The following DLGAP1 variants were observed in gnomAD, a reference collection of about 807,000 sequenced individuals.
The protein encoded by DLGAP1 is DLG associated protein 1.
DLGAP1 carries 11 observed loss-of-function variants against 90.8 expected under a neutral mutation model. That is an observed-to-expected ratio of 0.12 (90% CI 0.08 to 0.20). DLGAP1 has a LOEUF of 0.20. Ranked by LOEUF, DLGAP1 falls within the 10% of genes least tolerant of loss-of-function variation. The pLI, the probability that DLGAP1 is intolerant of heterozygous loss-of-function variation, is 1.00. For synonymous variants in DLGAP1, 558 were observed against 540.7 expected (o/e 1.03, Z -0.44); for missense variants, 1,050 against 1,333.8 (o/e 0.79, Z 3.31).
chr18:4,082,510 CAAA>C (rs59735494), intron 2 of DLGAP1, among the ~76,000 whole-genome samples: 14,450 of 51,710 alleles, frequency 0.28, 974 homozygotes, highest in Middle Eastern at 0.37. Flanking sequence ...GACTTTGTCT[CAAA>C]AAAAAAAAAA....
intron 2 of DLGAP1, among the ~76,000 whole-genome samples, chr18:4,009,613 G>C (rs1190585639): frequency 3.3e-5 from 5 of 152,208 alleles, no homozygotes; most frequent in Non-Finnish European, 1.5e-5. Context: ...TGGCAGGATA[G>C]GGTTCTCTTC....
intron 7 of DLGAP1, among the ~76,000 whole-genome samples, chr18:3,671,609 C>T (rs1184994896): frequency 1.3e-5 from 2 of 152,150 alleles, no homozygotes; most frequent in Admixed American, 6.6e-5. Flanking sequence ...TAAGATGGAG[C>T]CAGTTGTTTT....
At chr18:4,021,531 A>T (rs2074608792) in intron 2 of DLGAP1, among the ~76,000 whole-genome samples, 1 of 152,128 alleles carries the variant, frequency 6.6e-6, no homozygotes, top group Admixed American at 6.5e-5. Context: ...CCAGAACCTC[A>T]AGAGAATTAA....
intron 5 of DLGAP1, among the ~76,000 whole-genome samples, chr18:3,756,016 T>C (rs1184314352): frequency 1.3e-5 from 2 of 152,108 alleles, no homozygotes; most frequent in African/African-American, 2.4e-5. Context: ...AAAGGAAATT[T>C]TGGAACCGCA....
chr18:4,032,894 CCA>C (rs2074821448), intron 2 of DLGAP1, among the ~76,000 whole-genome samples: 1 of 152,122 alleles, frequency 6.6e-6, no homozygotes, highest in Non-Finnish European at 1.5e-5. Context: ...ACCTTTGTAT[CCA>C]CAGTGGCTGG....
intron 3 of DLGAP1, chr18:3,986,268 C>T (rs1046460974): frequency 2.2e-4 from 33 of 152,274 alleles, no homozygotes; most frequent in Admixed American, 2.0e-3. Context: ...GACAAGTATT[C>T]TTACAAATCC....
chr18:4,418,841 A>G (rs2082963706), intron 1 of DLGAP1, among the ~76,000 whole-genome samples: 1 of 120,778 alleles, frequency 8.3e-6, no homozygotes, highest in African/African-American at 3.1e-5. Flanking sequence ...ACAAACACCA[A>G]ACTACAGAGC....
chr18:4,291,325 C>T (rs1295053222), intron 1 of DLGAP1, among the ~76,000 whole-genome samples: 1 of 152,146 alleles, frequency 6.6e-6, no homozygotes, highest in African/African-American at 2.4e-5. Context: ...AGGGGTAACC[C>T]TGCGTCATCA....
At chr18:3,572,432 ATTTATTTGTTTGTTTG>A (rs2054862977) in intron 8 of DLGAP1, among the ~76,000 whole-genome samples, 1 of 111,838 alleles carries the variant, frequency 8.9e-6, no homozygotes, top group Non-Finnish European at 2.0e-5. Context: ...TCTTTTATTT[ATTTATTTGTTTGTTTG>A]TTTGTTTGTT....
chr18:4,350,202 A>G (rs1461147679), intron 1 of DLGAP1, among the ~76,000 whole-genome samples: 3 of 152,122 alleles, frequency 2.0e-5, no homozygotes, highest in Non-Finnish European at 2.9e-5. Context: ...TATAAATGCT[A>G]ATTATTCCAT....
intron 2 of DLGAP1, among the ~76,000 whole-genome samples, chr18:4,131,701 G>C (rs2076320028): frequency 6.6e-6 from 1 of 152,168 alleles, no homozygotes; most frequent in South Asian, 2.1e-4. Context: ...GCAAGAGAAA[G>C]AGCCAGGAAA....
intron 1 of DLGAP1, among the ~76,000 whole-genome samples, chr18:4,219,030 T>A (rs2078021948): frequency 2.2e-5 from 1 of 45,830 alleles, no homozygotes; most frequent in Non-Finnish European, 6.6e-5. Context: ...TATCTTTGTT[T>A]TTTTTTTTTT....
At chr18:4,186,145 T>G (rs1598574265) in intron 1 of DLGAP1, among the ~76,000 whole-genome samples, 1 of 152,174 alleles carries the variant, frequency 6.6e-6, no homozygotes, top group African/African-American at 2.4e-5. Context: ...TCTTGTAAAT[T>G]TGTTTAAGTT....
intron 3 of DLGAP1, among the ~76,000 whole-genome samples, chr18:4,004,078 T>C (rs1033388501): frequency 6.6e-6 from 1 of 152,230 alleles, no homozygotes; most frequent in African/African-American, 2.4e-5. Flanking sequence ...ATAATTGTTA[T>C]AGATGGTTCA....
intron 7 of DLGAP1, chr18:3,656,400 A>G (rs944978757): frequency 5.2e-6 from 2 of 382,270 alleles, no homozygotes; most frequent in African/African-American, 2.1e-5. Context: ...CTGAGTGACT[A>G]TTTCTGTGTA....
At chr18:3,675,233 G>A (rs1356187583) in intron 7 of DLGAP1, among the ~76,000 whole-genome samples, 1 of 152,154 alleles carries the variant, frequency 6.6e-6, no homozygotes, top group African/African-American at 2.4e-5. Flanking sequence ...ACCACGCCTG[G>A]CTAAGTTTTG....
chr18:4,069,988 C>CTT (rs367638752), intron 2 of DLGAP1, among the ~76,000 whole-genome samples: 1 of 145,254 alleles, frequency 6.9e-6, no homozygotes. Context: ...TTCTTTCTTT[C>CTT]TTTTTTTTTT....
At chr18:4,290,464 G>A (rs544700601) in intron 1 of DLGAP1, among the ~76,000 whole-genome samples, 6 of 152,316 alleles carry the variant, frequency 3.9e-5, no homozygotes, top group African/African-American at 1.4e-4. Context: ...GTACACATAT[G>A]TGGCGATGAA....
chr18:3,870,520 C>T (rs1199528624), intron 4 of DLGAP1, among the ~76,000 whole-genome samples: 1 of 152,072 alleles, frequency 6.6e-6, no homozygotes, highest in East Asian at 1.9e-4. Context: ...GCAGTTGCTC[C>T]CATTTAATAT....
Sources: gnomAD v4.1 joint callset for allele counts (sites outside exome capture counted in the v4.1 genomes callset) on GRCh38, gnomAD v4.1.1 for gene constraint, MANE v1.5 for transcripts, NCBI Gene and HGNC (gene_info 2026-07-23, HGNC 2026-07-21) for gene names.